The following ZNF433 variants were observed in gnomAD, a reference collection of about 807,000 sequenced individuals.
ZNF433 encodes the protein zinc finger protein 433.
In ZNF433, 12 loss-of-function variants were observed where a neutral mutation model predicts 10.6. The ratio of observed to expected loss-of-function variants is 1.13; its 90% CI spans 0.72 to 1.83. The LOEUF is 1.83. Among genes scored for constraint, ZNF433 ranks in the 40% most tolerant of loss-of-function variants. The pLI, the probability that ZNF433 is intolerant of heterozygous loss-of-function variation, is 0.00. For missense variants in ZNF433, 737 were observed against 798.0 expected, an observed-to-expected ratio of 0.92 and a Z score of 0.92; for synonymous variants, 272 against 271.3, an observed-to-expected ratio of 1.00 and a Z score of -0.02.
At chr19:12,022,982 T>C (rs1401369016) in intron 1 of ZNF433, among the ~76,000 whole-genome samples, 2 of 152,184 alleles carry the variant, frequency 1.3e-5, no homozygotes, top group Non-Finnish European at 2.9e-5. Context: ...GAGAGGGTGA[T>C]ATAGAGGCTT....
Position 12,032,190 on chromosome 19 carries a change from G to A in ZNF433, c.3+3347C>T, listed in dbSNP as rs574217973. 9.2e-5 allele frequency among the ~76,000 whole-genome samples: 14 copies of A among 151,892 alleles called. No homozygotes were observed. The East Asian group carries it at 2.5e-3, about 27-fold the overall frequency. On this transcript the variant is annotated intron_variant, in intron 1 of 3. Coordinates refer to ENST00000550507, the MANE Select transcript of ZNF433 (RefSeq NM_001308348.2). Reference sequence around the variant, plus strand: ...CCTGACTTGGTGATCTGTGCGCCTCGACCTCCCAAAGTGTTGGGATTACAG... The same window carrying A: ...CCTGACTTGGTGATCTGTGCGCCTCAACCTCCCAAAGTGTTGGGATTACAG...
At chr19:12,018,559 ATGTT>A in intron 1 of ZNF433, 1 of 281,644 alleles carries the variant, frequency 3.6e-6, no homozygotes, top group Non-Finnish European at 6.4e-6. Flanking sequence ...GCTGCCCCTA[ATGTT>A]TGTTTGTAAA....
chr19:12,031,597 T>C (rs1158953441), intron 1 of ZNF433, among the ~76,000 whole-genome samples: 1 of 152,152 alleles, frequency 6.6e-6, no homozygotes, highest in Non-Finnish European at 1.5e-5. Context: ...TGAGCCAAGA[T>C]CGTGCCACTG....
chr19:12,031,918 C>G (rs1285154875), intron 1 of ZNF433, among the ~76,000 whole-genome samples: 8 of 143,614 alleles, frequency 5.6e-5, no homozygotes, highest in Non-Finnish European at 9.1e-5. Context: ...CTGCAAAGAA[C>G]TGTTTTTTTT....
At position 12,016,119 on chromosome 19, in the gene ZNF433, C is replaced by T; in HGVS notation, c.739G>A (p.Gly247Arg). ...SLRIHERTHT[G>R]EKPYKCNECG... is the part of the protein sequence containing the mutation. ...TCATTACATTTATAAGGCTTCTCCC[C>T]AGTGTGAGTTCTTTCATGTATTCGA... Residue 247 changes from glycine to arginine, a missense_variant, in exon 4 of 4, where the codon GGG becomes AGG. By Grantham distance (125) the Gly-to-Arg change is moderately radical. Transcript: ENST00000550507. 1 of 1,614,160 alleles carries T rather than the reference C, an allele frequency of 6.2e-7. No individual in the cohort carries two copies. The highest frequency in any genetic ancestry group is 8.5e-7 in the Non-Finnish European group (1 of 1,180,026).
intron 1 of ZNF433, chr19:12,023,620 AT>A (rs943219119): frequency 2.6e-5 from 4 of 152,160 alleles, no homozygotes; most frequent in African/African-American, 9.7e-5. Flanking sequence ...CATTTCCATC[AT>A]TTCTCTACAC....
At chr19:12,021,981 C>T (rs530599702) in intron 1 of ZNF433, 205 of 456,656 alleles carry the variant, frequency 4.5e-4, no homozygotes, top group Non-Finnish European at 6.7e-4. Flanking sequence ...CCAATTCAAC[C>T]GTCACGCTGT....
chr19:12,016,390 T>C lies in ZNF433; in HGVS notation c.468A>G (p.Thr156=), dbSNP rs1304648196. The C allele has an allele frequency of 1.2e-6, 2 of 1,614,206 alleles. No homozygotes were observed. Among genetic ancestry groups the C allele is most frequent in the East Asian group, 4.5e-5 (2 of 44,874 alleles). The change falls in exon 4 of 4, where the codon ACA becomes ACG. Residue 156 remains threonine (T), a synonymous_variant. Transcript: ENST00000550507. ...KPFNCLSSVQ[T]HERAHSGRKL... Reference sequence around the variant, plus strand: ...TCCTTCCACTATGAGCCCTTTCATGTGTCTGAACAGAGGAGAGACAGTTGA... The same window carrying C: ...TCCTTCCACTATGAGCCCTTTCATGCGTCTGAACAGAGGAGAGACAGTTGA...
At position 12,024,743 on chromosome 19, in the gene ZNF433, C is replaced by G. The variant is rs555106857; in HGVS notation, c.4-6451G>C. On this transcript the variant is annotated intron_variant, in intron 1 of 3. Coordinates refer to ENST00000550507, the MANE Select transcript of ZNF433 (RefSeq NM_001308348.2). ...ACCTACTGGTGTTATTGTCCAAGAG[C>G]AGGACTTAGTAGAATGGCTTTTTCT... 3.3e-5 allele frequency: 5 copies of G among 152,314 alleles called. No individual in the cohort carries two copies. The East Asian group carries it at 9.6e-4, about 29-fold the overall frequency. The allele number at this position is 152,314 out of a possible 1,614,324, so 9.4% of individuals were successfully genotyped here.
chr19:12,018,594 A>T (rs553523808), intron 1 of ZNF433: 9 of 222,446 alleles, frequency 4.0e-5, no homozygotes, highest in African/African-American at 1.6e-4. Flanking sequence ...GGCACCTGCC[A>T]TAACAAAGTC....
Position 12,014,867 on chromosome 19 carries a change from G to C in ZNF433, c.1991C>G (p.Ala664Gly), listed in dbSNP as rs1305108400. 1.9e-6 allele frequency: 3 copies of C among 1,594,468 alleles called. No individual in the cohort carries two copies. The highest frequency in any genetic ancestry group is 2.6e-6 in the Non-Finnish European group (3 of 1,169,452). Reference sequence around the variant, plus strand: ...GGGTTATGGGGTGTCTATGCAGTGAGCCCTTCCATGCACTTGAAGTTGTGA... The same window carrying C: ...GGGTTATGGGGTGTCTATGCAGTGACCCCTTCCATGCACTTGAAGTTGTGA... ...CSSQLQVHGR[A>G]HCIDTP is the part of the protein sequence containing the mutation. Residue 664 changes from alanine (A) to glycine (G), a missense_variant, in exon 4 of 4, where the codon GCT becomes GGT. By Grantham distance (60) the Ala-to-Gly change is moderately conservative. Coordinates refer to ENST00000550507, the MANE Select transcript of ZNF433 (RefSeq NM_001308348.2).
Position 12,015,471 on chromosome 19 carries a change from GA to G in ZNF433, c.1386del (p.Gln463LysfsTer205). On this transcript the variant is annotated frameshift_variant, in exon 4 of 4. Coordinates refer to ENST00000550507, the MANE Select transcript of ZNF433 (RefSeq NM_001308348.2). LOFTEE classifies it low-confidence loss of function (END_TRUNC). ...CGKPFSNFSF[F>X]QIHERMHREE... ...TCTCTGTGCATCCTTTCATGTATTT[GA>G]AAGAAAGAGAAATTACTAAATGGTT... The G allele has an allele frequency of 6.2e-7, 1 of 1,613,854 alleles. No individual in the cohort carries two copies. Among genetic ancestry groups the G allele is most frequent in the Non-Finnish European group, 8.5e-7 (1 of 1,179,976 alleles).
intron 1 of ZNF433, among the ~76,000 whole-genome samples, chr19:12,030,631 C>CTAA (rs1374601503): frequency 1.3e-5 from 2 of 151,976 alleles, no homozygotes; most frequent in Non-Finnish European, 2.9e-5. Context: ...GAGATCTATA[C>CTAA]TAATAAAGAG....
chr19:12,018,038 T>C, intron 2 of ZNF433, 102 bp from the exon 3 acceptor site: 1 of 1,307,940 alleles, frequency 7.6e-7, no homozygotes, highest in Non-Finnish European at 1.0e-6. Flanking sequence ...CTTCCTTTAT[T>C]TATCAAATAT....
At chr19:12,026,966 A>C in intron 1 of ZNF433, 2 of 454,250 alleles carry the variant, frequency 4.4e-6, no homozygotes, top group South Asian at 3.1e-5. Flanking sequence ...TGTAGGAGCT[A>C]AACATAAGGA....
chr19:12,026,896 TC>T, intron 1 of ZNF433: 1 of 454,070 alleles, frequency 2.2e-6, no homozygotes, highest in Non-Finnish European at 4.4e-6. Flanking sequence ...TGGCAAGAGT[TC>T]CTATTATCTG....
intron 1 of ZNF433, among the ~76,000 whole-genome samples, chr19:12,019,772 A>G (rs1027399186): frequency 4.6e-5 from 7 of 152,240 alleles, no homozygotes; most frequent in Non-Finnish European, 8.8e-5. Flanking sequence ...TACAACAATC[A>G]CAAAACTTCA....
intron 1 of ZNF433, among the ~76,000 whole-genome samples, chr19:12,031,361 A>G (rs564353303): frequency 4.4e-4 from 67 of 151,248 alleles, no homozygotes; most frequent in African/African-American, 1.6e-3. Flanking sequence ...GTTAAAATAG[A>G]TATCAAGCCA....
intron 3 of ZNF433, among the ~76,000 whole-genome samples, chr19:12,016,895 C>G (rs1460707153): frequency 2.0e-5 from 3 of 152,062 alleles, no homozygotes; most frequent in African/African-American, 7.2e-5. Context: ...AGGTGCATAC[C>G]ACCACACCCA....
Sources: allele counts gnomAD v4.1 joint callset (sites outside exome capture counted in the v4.1 genomes callset), GRCh38; gene constraint gnomAD v4.1.1; transcripts MANE v1.5; gene names NCBI Gene and HGNC (gene_info 2026-07-23, HGNC 2026-07-21).